Variants in SEPTIN12 observed in about 807,000 individuals in gnomAD.
The protein encoded by SEPTIN12 is septin-12.
A neutral mutation model predicts 37.7 loss-of-function variants in SEPTIN12; 42 were observed. That is an observed-to-expected ratio of 1.11 (90% CI 0.87 to 1.44). SEPTIN12 has a LOEUF of 1.44. SEPTIN12 is among the 40% of genes most tolerant of loss of function. The probability of loss-of-function intolerance (pLI) is 0.00; values close to 1 mark genes in which losing one functional copy is unlikely to be tolerated. For synonymous variants in SEPTIN12, 254 were observed against 196.7 expected (o/e 1.29, Z -2.44); for missense variants, 613 against 479.2 (o/e 1.28, Z -2.61).
At chr16:4,780,676 G>C (rs1490951142) in intron 7 of SEPTIN12, among the ~76,000 whole-genome samples, 2 of 152,148 alleles carry the variant, frequency 1.3e-5, no homozygotes, top group Non-Finnish European at 1.5e-5. Context: ...CTGTGATGGG[G>C]AGTAATGTGG....
chr16:4,787,710 G>A (rs2082481388), intron 1 of SEPTIN12, 43 bp from the exon 2 acceptor site: 2 of 820,950 alleles, frequency 2.4e-6, no homozygotes, highest in Non-Finnish European at 3.9e-6. Context: ...CTGGGGCTCA[G>A]AGGAGCCCAC....
upstream of SEPTIN12, among the ~76,000 whole-genome samples, chr16:4,789,371 G>A (rs1041916883): frequency 6.6e-6 from 1 of 151,342 alleles, no homozygotes; most frequent in Non-Finnish European, 1.5e-5. Context: ...TGTCACCCAG[G>A]CTGGAGTTTA....
intron 7 of SEPTIN12, among the ~76,000 whole-genome samples, chr16:4,782,080 A>G (rs2082378479): frequency 6.7e-6 from 1 of 148,866 alleles, no homozygotes; most frequent in Non-Finnish European, 1.5e-5. Context: ...TCTCCCCAGT[A>G]GCTGGGATTA....
At chr16:4,786,171 T>C in intron 2 of SEPTIN12, 66 bp from the exon 3 acceptor site, 1 of 1,517,680 alleles carries the variant, frequency 6.6e-7, no homozygotes, top group Non-Finnish European at 8.8e-7. Context: ...TCTAACTCTT[T>C]ACTTTTCTAT....
intron 4 of SEPTIN12, chr16:4,784,334 T>C: frequency 4.2e-6 from 2 of 473,720 alleles, no homozygotes; most frequent in Non-Finnish European, 7.8e-6. Flanking sequence ...GGGTGAGCAT[T>C]AACTGTATTA....
rs756789381 is a variant in SEPTIN12, at chr16:4,783,743, A to G, written c.536T>C (p.Phe179Ser). ...CACAGTCCGGCACAGCCGCTGCAGG[A>G]ACTCAATGTCCAGGGGCCGCAGGCT... The part of the protein sequence containing the change: ...GHCLRPLDIE[F>S]LQRLCRTVNV... Residue 179 changes from phenylalanine to serine, a missense_variant, in exon 6 of 10, where the codon TTC (phenylalanine) becomes TCC (serine). Physicochemically the swap from Phe to Ser is radical, Grantham distance 155 (BLOSUM62 -2). Transcript: ENST00000268231. The G allele has an allele frequency of 3.1e-6, 5 of 1,613,846 alleles. No individual in the cohort carries two copies. Among genetic ancestry groups the G allele is most frequent in the Non-Finnish European group, 4.2e-6 (5 of 1,179,978 alleles).
At position 4,783,711 on chromosome 16, in the gene SEPTIN12, C is replaced by T. The variant is rs771980081; in HGVS notation, c.568G>A (p.Val190Met). Residue 190 changes from valine (V) to methionine (M), a missense_variant, in exon 6 of 10, where the codon GTG becomes ATG. Val to Met is a conservative substitution (Grantham distance 21, BLOSUM62 1). Transcript: ENST00000268231. ...LQRLCRTVNV[V>M]PVIARADSLT... is the part of the protein sequence containing the mutation. ...CTGTCGGCCCTGGCAATCACGGGCA[C>T]CACATTCACAGTCCGGCACAGCCGC... 6.2e-7 allele frequency: 1 copy of T among 1,614,118 alleles called. No homozygotes were observed. Among genetic ancestry groups the T allele is most frequent in the Non-Finnish European group, 8.5e-7 (1 of 1,180,028 alleles).
intron 7 of SEPTIN12, among the ~76,000 whole-genome samples, chr16:4,782,964 G>A (rs2082388731): frequency 6.7e-6 from 1 of 150,084 alleles, no homozygotes; most frequent in Admixed American, 6.7e-5. Flanking sequence ...GGAGTGCAAT[G>A]GCGCCATCTC....
At position 4,784,040 on chromosome 16, in the gene SEPTIN12, C is replaced by G. The variant is rs375316506; in HGVS notation, c.403G>C (p.Glu135Gln). 7 of 1,614,154 alleles carry G rather than the reference C, an allele frequency of 4.3e-6. No individual in the cohort carries two copies. The highest frequency in any genetic ancestry group is 3.3e-4 in the Middle Eastern group (2 of 6,062). ...TCCTGCAGGTACTGCTCGTATTGCT[C>G]GTTGATGTAGCCCAGGATGGGGTCC... ...CWDPILGYIN[E>Q]QYEQYLQEEI... Residue 135 changes from glutamate (E) to glutamine (Q), a missense_variant, in exon 5 of 10, where the codon GAG becomes CAG. Glu to Gln is a conservative substitution (Grantham distance 29). Transcript: ENST00000268231.
rs774280396 is a variant in SEPTIN12 at position 4,783,703 on chromosome 16, C to G, written c.576G>C (p.Val192=). The change falls in exon 6 of 10, where the codon GTG becomes GTC. Residue 192 remains valine (V), a synonymous_variant. Coordinates refer to ENST00000268231, the MANE Select transcript of SEPTIN12 (RefSeq NM_144605.5). ...TGGTCAGGCTGTCGGCCCTGGCAAT[C>G]ACGGGCACCACATTCACAGTCCGGC... is the stretch of plus-strand genomic sequence containing the variant. The part of the protein sequence containing the change: ...RLCRTVNVVP[V]IARADSLTME... The G allele has an allele frequency of 4.3e-6, 7 of 1,614,136 alleles. No individual in the cohort carries two copies. Among genetic ancestry groups the G allele is most frequent in the Non-Finnish European group, 5.9e-6 (7 of 1,180,024 alleles).
At position 4,782,396 on chromosome 16, in the gene SEPTIN12, A is replaced by C. The variant is rs765008991; in HGVS notation, c.726+1066T>G. 1.0e-3 allele frequency among the ~76,000 whole-genome samples: 159 copies of C among 152,310 alleles called. 1 individual carries two copies. Among genetic ancestry groups the C allele is most frequent in the Middle Eastern group, 3.4e-3 (1 of 294 alleles). On this transcript the variant is annotated intron_variant, in intron 7 of 9. Coordinates refer to ENST00000268231, the MANE Select transcript of SEPTIN12 (RefSeq NM_144605.5). ...TCCACTTTCGGGGCTAAAATAAATAATGCTGCTGTGAACATTCACGTACAC... is the reference window on the plus strand; with the variant it reads ...TCCACTTTCGGGGCTAAAATAAATACTGCTGCTGTGAACATTCACGTACAC...
At chr16:4,786,296 T>A (rs1438209204) in intron 2 of SEPTIN12, among the ~76,000 whole-genome samples, 191 bp from the exon 3 acceptor site, 1 of 149,468 alleles carries the variant, frequency 6.7e-6, no homozygotes, top group Non-Finnish European at 1.5e-5. Context: ...CACCTCGGCC[T>A]CCCTAGTAGC....
intron 7 of SEPTIN12, among the ~76,000 whole-genome samples, chr16:4,780,411 T>C (rs2082359850): frequency 6.6e-6 from 1 of 152,044 alleles, no homozygotes; most frequent in Non-Finnish European, 1.5e-5. Flanking sequence ...ATATATAAAG[T>C]TTTATTGGCA....
intron 1 of SEPTIN12, 63 bp from the exon 2 acceptor site, chr16:4,787,730 T>C (rs1280037399): frequency 5.8e-6 from 4 of 689,596 alleles, no homozygotes; most frequent in Middle Eastern, 7.6e-4. Context: ...CATTGACCTC[T>C]CCTATCTGAA....
At position 4,777,897 on chromosome 16, in the gene SEPTIN12, C is replaced by G; in HGVS notation, c.977G>C (p.Gly326Ala). Residue 326 changes from glycine (G) to alanine (A), a missense_variant, in exon 10 of 10, where the codon GGC becomes GCC. By Grantham distance (60) the Gly-to-Ala change is moderately conservative (BLOSUM62 0). Coordinates refer to ENST00000268231, the MANE Select transcript of SEPTIN12 (RefSeq NM_144605.5). ...NESHLLPRGP[G>A]WVNLAPASPG... ...GGAGGCCGGGGCCAGGTTCACCCAGCCGGGCCCGCGGGGCAGCAGGTGGCT... is the reference window on the plus strand; with the variant it reads ...GGAGGCCGGGGCCAGGTTCACCCAGGCGGGCCCGCGGGGCAGCAGGTGGCT... The G allele has an allele frequency of 2.5e-6, 4 of 1,599,728 alleles. No homozygotes were observed. Among genetic ancestry groups the G allele is most frequent in the Non-Finnish European group, 3.4e-6 (4 of 1,173,740 alleles).
chr16:4,790,116 G>A (rs2082529255), upstream of SEPTIN12: 1 of 151,878 alleles, frequency 6.6e-6, no homozygotes, highest in African/African-American at 2.4e-5. Context: ...GTCTCCCTAT[G>A]TTGCCCAAGA....
At chr16:4,785,687 A>G (rs1040588848) in intron 4 of SEPTIN12, 120 bp downstream of exon 4, 3 of 710,158 alleles carry the variant, frequency 4.2e-6, no homozygotes, top group Non-Finnish European at 7.3e-6. Flanking sequence ...CTGAGGCAGG[A>G]GAATCACTTG....
chr16:4,787,398 A>G, intron 2 of SEPTIN12, 82 bp downstream of exon 2: 1 of 1,266,720 alleles, frequency 7.9e-7, no homozygotes, highest in Non-Finnish European at 1.1e-6. Context: ...GAGGGGCGAC[A>G]GGCTGCCAAA....
upstream of SEPTIN12, among the ~76,000 whole-genome samples, chr16:4,791,604 G>T (rs892613689): frequency 2.0e-5 from 3 of 152,282 alleles, no homozygotes; most frequent in Non-Finnish European, 4.4e-5. Flanking sequence ...GGGTCCAGAA[G>T]TCTGACTCAC....
Sources: gnomAD v4.1 joint callset for allele counts (sites outside exome capture counted in the v4.1 genomes callset) on GRCh38, gnomAD v4.1.1 for gene constraint, MANE v1.5 for transcripts, NCBI Gene and HGNC (gene_info 2026-07-23, HGNC 2026-07-21) for gene names.